Variants in RBMS3 observed in about 807,000 individuals in gnomAD.
RBMS3 encodes the protein RNA-binding motif, single-stranded-interacting protein 3.
In RBMS3, 27 loss-of-function variants were observed where a neutral mutation model predicts 66.8. The ratio of observed to expected loss-of-function variants is 0.40; its 90% confidence interval spans 0.30 to 0.56. RBMS3 has a LOEUF of 0.56. Ranked by LOEUF, RBMS3 falls within the 20% of genes least tolerant of loss-of-function variation. RBMS3 has a pLI of 0.40. For synonymous variants in RBMS3, 188 were observed against 183.0 expected, an observed-to-expected ratio of 1.03 and a Z score of -0.22; for missense variants, 513 against 549.5, an observed-to-expected ratio of 0.93 and a Z score of 0.66.
intron 6 of RBMS3, among the ~76,000 whole-genome samples, chr3:29,835,826 A>G (rs1413929739): frequency 6.6e-6 from 1 of 151,902 alleles, no homozygotes; most frequent in Non-Finnish European, 1.5e-5. Flanking sequence ...AGATCCACAA[A>G]ACTAAGAATT....
At chr3:29,640,844 T>G (rs2049676138) in intron 4 of RBMS3, among the ~76,000 whole-genome samples, 1 of 151,984 alleles carries the variant, frequency 6.6e-6, no homozygotes, top group Admixed American at 6.6e-5. Flanking sequence ...CTCTACCCCT[T>G]ACTCCTGTGT....
At chr3:29,772,456 G>A (rs942845624) in intron 6 of RBMS3, among the ~76,000 whole-genome samples, 4 of 151,960 alleles carry the variant, frequency 2.6e-5, no homozygotes, top group African/African-American at 9.7e-5. Context: ...TTCTTTGTGA[G>A]TTTTTATTGA....
intron 3 of RBMS3, among the ~76,000 whole-genome samples, chr3:29,528,530 T>C (rs2045225898): frequency 6.6e-6 from 1 of 152,226 alleles, no homozygotes; most frequent in South Asian, 2.1e-4. Context: ...ATATGTCAGA[T>C]GTTGGTCACT....
intron 2 of RBMS3, among the ~76,000 whole-genome samples, chr3:29,468,201 G>A (rs981679220): frequency 3.3e-5 from 5 of 151,990 alleles, no homozygotes; most frequent in East Asian, 1.9e-4. Context: ...GGAGTCTACC[G>A]GCACTCTACA....
At chr3:29,527,995 C>A (rs893894317) in intron 3 of RBMS3, among the ~76,000 whole-genome samples, 1 of 151,288 alleles carries the variant, frequency 6.6e-6, no homozygotes, top group Non-Finnish European at 1.5e-5. Context: ...ATTTTTTTTA[C>A]CCTCAAATAC....
intron 4 of RBMS3, 37 bp downstream of exon 4, chr3:29,587,242 TTTTTTTTGTG>T (rs1264913074): frequency 3.5e-6 from 3 of 851,714 alleles, no homozygotes; most frequent in African/African-American, 2.3e-5. Context: ...TTTTTTTTTT[TTTTTTTTGTG>T]TGTGTGTGTG....
At chr3:29,391,010 T>A in intron 1 of RBMS3, 1 of 366,826 alleles carries the variant, frequency 2.7e-6, no homozygotes, top group Non-Finnish European at 5.9e-6. Flanking sequence ...TACATTCAAC[T>A]GTAATGAGCT....
chr3:29,493,157 G>A (rs1260053941), intron 3 of RBMS3, among the ~76,000 whole-genome samples: 3 of 152,180 alleles, frequency 2.0e-5, no homozygotes, highest in Non-Finnish European at 4.4e-5. Context: ...TTATGTAGCT[G>A]TTAAAATGGT....
chr3:29,445,056 C>T (rs1185651441), intron 2 of RBMS3, among the ~76,000 whole-genome samples: 2 of 151,560 alleles, frequency 1.3e-5, no homozygotes, highest in Non-Finnish European at 2.9e-5. Flanking sequence ...CATTTTTTTA[C>T]CCCTAGTACC....
At chr3:29,603,318 A>G (rs7641657) in intron 4 of RBMS3, among the ~76,000 whole-genome samples, 22,239 of 151,978 alleles carry the variant, frequency 0.15, 1,882 homozygotes, top group East Asian at 0.32. Context: ...TAACTCCAAA[A>G]CCATTAATGT....
chr3:29,964,307 T>C (rs903819164), intron 12 of RBMS3, among the ~76,000 whole-genome samples: 12 of 152,096 alleles, frequency 7.9e-5, no homozygotes, highest in African/African-American at 2.7e-4. Context: ...ATTAAATGAA[T>C]GGTATGTAGA....
At chr3:29,810,524 T>C (rs1253413552) in intron 6 of RBMS3, among the ~76,000 whole-genome samples, 2 of 152,146 alleles carry the variant, frequency 1.3e-5, no homozygotes, top group East Asian at 3.9e-4. Flanking sequence ...AACCACACAA[T>C]GGAATGTGCT....
At chr3:29,464,274 G>A (rs2042466723) in intron 2 of RBMS3, among the ~76,000 whole-genome samples, 1 of 152,184 alleles carries the variant, frequency 6.6e-6, no homozygotes, top group African/African-American at 2.4e-5. Flanking sequence ...ATGGTCTTGA[G>A]AAATGATAGG....
At chr3:29,825,700 A>G (rs920396976) in intron 6 of RBMS3, among the ~76,000 whole-genome samples, 1 of 152,132 alleles carries the variant, frequency 6.6e-6, no homozygotes, top group Non-Finnish European at 1.5e-5. Flanking sequence ...TAAATTACCC[A>G]GTCTTGGGTA....
intron 3 of RBMS3, among the ~76,000 whole-genome samples, chr3:29,546,318 G>T (rs1294247582): frequency 1.3e-5 from 2 of 152,066 alleles, no homozygotes; most frequent in South Asian, 2.1e-4. Flanking sequence ...TTGCAAAAAC[G>T]TACACAGCTA....
At chr3:29,629,393 C>G (rs933237774) in intron 4 of RBMS3, among the ~76,000 whole-genome samples, 1 of 152,078 alleles carries the variant, frequency 6.6e-6, no homozygotes, top group Non-Finnish European at 1.5e-5. Context: ...TAAAAATAAA[C>G]CTCTTTGCCC....
At chr3:29,423,778 AC>A (rs1394490801) in intron 1 of RBMS3, among the ~76,000 whole-genome samples, 1 of 152,206 alleles carries the variant, frequency 6.6e-6, no homozygotes, top group Non-Finnish European at 1.5e-5. Flanking sequence ...TTAATTAATT[AC>A]CTGTGAATTT....
At chr3:29,658,911 C>T (rs2050422130) in intron 4 of RBMS3, among the ~76,000 whole-genome samples, 1 of 152,216 alleles carries the variant, frequency 6.6e-6, no homozygotes, top group South Asian at 2.1e-4. Flanking sequence ...CAACCTCCGC[C>T]TCCCGGGTTC....
chr3:29,954,613 C>A (rs1695900726), intron 12 of RBMS3, among the ~76,000 whole-genome samples: 1 of 151,892 alleles, frequency 6.6e-6, no homozygotes, highest in Non-Finnish European at 1.5e-5. Flanking sequence ...AGTTATTTTT[C>A]TTTCAGCCAA....
Sources: gnomAD v4.1 joint callset for allele counts (sites outside exome capture counted in the v4.1 genomes callset) on GRCh38, gnomAD v4.1.1 for gene constraint, MANE v1.5 for transcripts, NCBI Gene and HGNC (gene_info 2026-07-23, HGNC 2026-07-21) for gene names.